The following SPTB variants were observed in gnomAD, a reference collection of about 807,000 sequenced individuals.
SPTB encodes spectrin beta chain, erythrocytic.
In SPTB, 45 loss-of-function variants were observed where a neutral mutation model predicts 256.2. The observed-to-expected ratio is 0.18, with a 90% CI of 0.14 to 0.23. The LOEUF (loss-of-function observed/expected upper bound fraction) is 0.23. Among genes scored for constraint, SPTB ranks in the 10% least tolerant of loss-of-function variants. The pLI is 1.00. For synonymous variants in SPTB, 1,231 were observed against 1,243.1 expected, an observed-to-expected ratio of 0.99 and a Z score of 0.21; for missense variants, 2,715 against 3,040.4, an observed-to-expected ratio of 0.89 and a Z score of 2.52.
chr14:64,757,581 A>G (rs546682416), intron 32 of SPTB: 1 of 152,410 alleles, frequency 6.6e-6, no homozygotes, highest in Admixed American at 6.5e-5. Context: ...CCTGAAGGCC[A>G]AGGCCAAGAA....
At position 64,875,383 on chromosome 14, in the gene SPTB, C is replaced by T. The variant is rs547528517; in HGVS notation, c.-52+4409G>A. Among the ~76,000 whole-genome samples, 13 of 152,334 alleles carry T rather than the reference C, an allele frequency of 8.5e-5. No individual in the cohort carries two copies. The East Asian group carries it at 1.3e-3, about 16-fold the overall frequency. Reference sequence around the variant, plus strand: ...ACTTGGCTGTGAATTAAGAAATACACGCAGCAACAGAGGGAAACACACTAT... The same window carrying T: ...ACTTGGCTGTGAATTAAGAAATACATGCAGCAACAGAGGGAAACACACTAT... On this transcript the variant is annotated intron_variant, in intron 1 of 35. Transcript: ENST00000644917.
In SPTB at chr14:64,844,593, G is replaced by C. The variant is rs1363941841; in HGVS notation, c.-51-21448C>G. On this transcript the variant is annotated intron_variant, in intron 1 of 35. Coordinates refer to ENST00000644917, the MANE Select transcript of SPTB (RefSeq NM_001355436.2). The surrounding 1 kb of genome is among the most constrained non-coding windows in gnomAD (Gnocchi z 4.1). Reference sequence around the variant, plus strand: ...ATGCCGGTCTGACAGCAGAACTTTAGGATGAATTGTCTCTAATGATAAATT... The same window carrying C: ...ATGCCGGTCTGACAGCAGAACTTTACGATGAATTGTCTCTAATGATAAATT... Among the ~76,000 whole-genome samples the C allele has an allele frequency of 6.6e-6, 1 of 152,206 alleles. No homozygotes were observed. The highest frequency in any genetic ancestry group is 2.4e-5 in the African/African-American group (1 of 41,456).
intron 33 of SPTB, 34 bp downstream of exon 33, chr14:64,753,503 C>A (rs776175032): frequency 6.2e-7 from 1 of 1,612,648 alleles, no homozygotes; most frequent in Non-Finnish European, 8.5e-7. Flanking sequence ...AGCTGCCCAA[C>A]CTACCCTCAG....
In SPTB at chr14:64,856,191, C is replaced by A. The variant is rs568122022; in HGVS notation, c.-52+23601G>T. ...CTTAAGCAGACAAAGCACAGTAAGG[C>A]CCAGAAGGCTGTCTCTCCAGGAATC... On this transcript the variant is annotated intron_variant, in intron 1 of 35. Transcript: ENST00000644917. Among the ~76,000 whole-genome samples the A allele has an allele frequency of 7.2e-5, 11 of 152,334 alleles. No individual in the cohort carries two copies. The South Asian group carries it at 2.1e-3, about 29-fold the overall frequency.
In SPTB at chr14:64,801,271, T is replaced by C; in HGVS notation, c.763+14A>G. On this transcript the variant is annotated intron_variant, in intron 7 of 35. Coordinates refer to ENST00000644917, the MANE Select transcript of SPTB (RefSeq NM_001355436.2). ...CTGCTGCAGCAAAGGCTGGCAGGGG[T>C]GGGTGTGGCTCACCTTCGGGGTCGA... The C allele has an allele frequency of 6.2e-7, 1 of 1,601,896 alleles. No homozygotes were observed. The highest frequency in any genetic ancestry group is 8.5e-7 in the Non-Finnish European group (1 of 1,170,818).
In SPTB at chr14:64,769,653, G is replaced by A. The variant is rs946307977; in HGVS notation, c.5874C>T (p.Asn1958=). 1.9e-6 allele frequency: 3 copies of A among 1,614,190 alleles called. No homozygotes were observed. Among genetic ancestry groups the A allele is most frequent in the South Asian group, 2.2e-5 (2 of 91,090 alleles). ...CGCCAAGCTCCAGGCAGGCACTGAAGTTCTTGCTCCGGGTTTCAATCTCTG... is the reference window on the plus strand; with the variant it reads ...CGCCAAGCTCCAGGCAGGCACTGAAATTCTTGCTCCGGGTTTCAATCTCTG... ...INAEIETRSK[N]FSACLELGES... Residue 1958 remains asparagine, a synonymous_variant, in exon 28 of 36, where the codon AAC becomes AAT. Coordinates refer to ENST00000644917, the MANE Select transcript of SPTB (RefSeq NM_001355436.2).
rs1313573814 is a variant in SPTB at position 64,772,496 on chromosome 14, T to A, written c.5553+84A>T. On this transcript the variant is annotated intron_variant, in intron 26 of 35. Transcript: ENST00000644917. This position sits in a 1 kb window ranked among gnomAD's most constrained non-coding sequence, Gnocchi z 5.4. Reference sequence around the variant, plus strand: ...AACCTCCTGGCACTTATCCTAGAGGTTTTCCTGCTGACAGCCAGGTGGGGA... The same window carrying A: ...AACCTCCTGGCACTTATCCTAGAGGATTTCCTGCTGACAGCCAGGTGGGGA... 6.4e-7 allele frequency: 1 copy of A among 1,561,192 alleles called. No individual in the cohort carries two copies. The highest frequency in any genetic ancestry group is 2.3e-5 in the East Asian group (1 of 43,372).
At position 64,801,304 on chromosome 14, in the gene SPTB, G is replaced by A; in HGVS notation, c.744C>T (p.Ile248=). The change falls in exon 7 of 36, where the codon ATC becomes ATT. Residue 248 remains isoleucine (I), a synonymous_variant. Coordinates refer to ENST00000644917, the MANE Select transcript of SPTB (RefSeq NM_001355436.2). The part of the protein sequence containing the change: ...FNVAERQLGI[I]PLLDPEDVFT... ...GCTCACCTTCGGGGTCGAGGAGCGG[G>A]ATGATGCCCAGCTGGCGCTCAGCCA... 6.2e-7 allele frequency: 1 copy of A among 1,614,006 alleles called. No individual in the cohort carries two copies. The highest frequency in any genetic ancestry group is 8.5e-7 in the Non-Finnish European group (1 of 1,179,910).
chr14:64,767,289 C>T lies in SPTB; in HGVS notation c.6269+14G>A, dbSNP rs369188355. 1.1e-4 allele frequency: 180 copies of T among 1,613,708 alleles called. No individual in the cohort carries two copies. The highest frequency in any genetic ancestry group is 2.2e-4 in the South Asian group (20 of 91,094). ...CAGAGCATTCAGCTCCCTGGACACA[C>T]GGCCACCACTCACCCAGTCTCCTCT... On this transcript the variant is annotated intron_variant, in intron 31 of 35. Coordinates refer to ENST00000644917, the MANE Select transcript of SPTB (RefSeq NM_001355436.2).
Position 64,822,937 on chromosome 14 carries a change from C to T in SPTB, c.148+10G>A, listed in dbSNP as rs760222631. 1.2e-6 allele frequency: 2 copies of T among 1,613,052 alleles called. No homozygotes were observed. Among genetic ancestry groups the T allele is most frequent in the Admixed American group, 1.7e-5 (1 of 60,032 alleles). ...GAATGCCCTCCAACCCTTGTGGCCC[C>T]AAACAGTACCTGCCAAGGCCTTTAT... On this transcript the variant is annotated intron_variant, in intron 2 of 35. Transcript: ENST00000644917.
intron 15 of SPTB, among the ~76,000 whole-genome samples, chr14:64,789,483 A>AGTGGGTCAGTGAGACC (rs2082632408): frequency 6.6e-6 from 1 of 152,302 alleles, no homozygotes; most frequent in African/African-American, 2.4e-5. Context: ...AAAGAAGGTA[A>AGTGGGTCAGTGAGACC]CAATATAGAG....
chr14:64,795,325 C>A lies in SPTB; in HGVS notation c.1644+12G>T, dbSNP rs577509679. The A allele has an allele frequency of 6.2e-7, 1 of 1,603,084 alleles. No homozygotes were observed. The highest frequency in any genetic ancestry group is 2.2e-5 in the East Asian group (1 of 44,892). ...ACTGCAGGGCATGGCGGGGGCGGCCCCCAGGGCCCACCTTGATCTCATCCA... is the reference window on the plus strand; with the variant it reads ...ACTGCAGGGCATGGCGGGGGCGGCCACCAGGGCCCACCTTGATCTCATCCA... On this transcript the variant is annotated intron_variant, in intron 12 of 35. Transcript: ENST00000644917. The surrounding 1 kb of genome is among the most constrained non-coding windows in gnomAD (Gnocchi z 6.5).
chr14:64,749,125 G>T lies in SPTB; in HGVS notation c.*181C>A. The T allele has an allele frequency of 1.6e-6, 1 of 633,864 alleles. No homozygotes were observed. Among genetic ancestry groups the T allele is most frequent in the Admixed American group, 3.3e-5 (1 of 29,880 alleles). The allele number at this position is 633,864 out of a possible 1,614,324, so 39.3% of individuals were successfully genotyped here. A position where few individuals can be genotyped will look rare whatever the true frequency, so the allele number is the denominator to read the frequency against. On this transcript the variant is annotated 3_prime_UTR_variant, in exon 36 of 36. Coordinates refer to ENST00000644917, the MANE Select transcript of SPTB (RefSeq NM_001355436.2). This position sits in a 1 kb window ranked among gnomAD's most constrained non-coding sequence, Gnocchi z 4.7. ...GCCAGCGCGGGCGAGGGCATGGAGG[G>T]GGCGTCGGCCCAGGACACGCGGGCG...
In SPTB at chr14:64,826,330, C is replaced by A. The variant is rs868032925; in HGVS notation, c.-51-3185G>T. ...CATGTCTCTTTCCATACTGTTACAA[C>A]GGCCCTTCAAAGGCCTGGCTATAAA... On this transcript the variant is annotated intron_variant, in intron 1 of 35. Coordinates refer to ENST00000644917, the MANE Select transcript of SPTB (RefSeq NM_001355436.2). The surrounding 1 kb of genome is among the most constrained non-coding windows in gnomAD (Gnocchi z 4.4). 3.9e-5 allele frequency among the ~76,000 whole-genome samples: 6 copies of A among 152,186 alleles called. No individual in the cohort carries two copies. The East Asian group carries it at 1.2e-3, about 29-fold the overall frequency.
At position 64,796,158 on chromosome 14, in the gene SPTB, G is replaced by A. The variant is rs1477917193; in HGVS notation, c.1341+399C>T. ...ATGCTCTGATGAAGAATCAGCCCTG[G>A]GGTCAATTCTTAGCTAGAATTATGT... On this transcript the variant is annotated intron_variant, in intron 11 of 35. Transcript: ENST00000644917. This position sits in a 1 kb window ranked among gnomAD's most constrained non-coding sequence, Gnocchi z 4.1. Among the ~76,000 whole-genome samples, 1 of 152,158 alleles carries A rather than the reference G, an allele frequency of 6.6e-6. No individual in the cohort carries two copies. Among genetic ancestry groups the A allele is most frequent in the Non-Finnish European group, 1.5e-5 (1 of 68,034 alleles).
At chr14:64,789,813 C>G (rs542497586) in intron 15 of SPTB, among the ~76,000 whole-genome samples, 68 of 152,198 alleles carry the variant, frequency 4.5e-4, no homozygotes, top group African/African-American at 1.5e-3. Flanking sequence ...TGCTTTTCAT[C>G]TGGAAAACTG....
chr14:64,751,181 G>A (rs969429769), intron 33 of SPTB, among the ~76,000 whole-genome samples: 4 of 150,738 alleles, frequency 2.7e-5, no homozygotes, highest in South Asian at 2.1e-4. Context: ...ATGCAGTGGT[G>A]CAGTCTCAGC....
At chr14:64,872,598 C>G (rs900995056) in intron 1 of SPTB, among the ~76,000 whole-genome samples, 1 of 152,244 alleles carries the variant, frequency 6.6e-6, no homozygotes, top group Non-Finnish European at 1.5e-5. Flanking sequence ...ACACCCTGCA[C>G]TCAGGCCACA....
chr14:64,879,466 A>G (rs748495914), intron 1 of SPTB, among the ~76,000 whole-genome samples: 20 of 152,158 alleles, frequency 1.3e-4, no homozygotes, highest in Non-Finnish European at 2.9e-4. Flanking sequence ...GGCGGACGAG[A>G]ACACGCACCC....
Sources: allele counts gnomAD v4.1 joint callset (sites outside exome capture counted in the v4.1 genomes callset), GRCh38; gene constraint gnomAD v4.1.1; non-coding constraint Gnocchi (gnomAD v3.1); transcripts MANE v1.5; gene names NCBI Gene and HGNC (gene_info 2026-07-23, HGNC 2026-07-21).